Variants in ANXA4 observed in about 807,000 individuals in gnomAD.
The protein encoded by ANXA4 is annexin A4, also known as 35-beta calcimedin.
ANXA4 carries 39 observed loss-of-function variants against 49.8 expected under a neutral mutation model. That is an observed-to-expected ratio of 0.78 (90% CI 0.61 to 1.02). The LOEUF (loss-of-function observed/expected upper bound fraction) is 1.02, where lower values mean the gene tolerates loss of function less well. Ranked by LOEUF, ANXA4 falls within the 50% of genes least tolerant of loss-of-function variation. The pLI is 0.00. For missense variants in ANXA4, 360 were observed against 410.1 expected, an observed-to-expected ratio of 0.88 and a Z score of 1.05; for synonymous variants, 134 against 152.5, an observed-to-expected ratio of 0.88 and a Z score of 0.89.
chr2:69,816,116 G>A lies in ANXA4; in HGVS notation c.550G>A (p.Gly184Arg), dbSNP rs780280151. ...TTGGCTTCAGGACCTGTATGAGGCT[G>A]GAGAGAAGAAATGGGGGACAGATGA... The part of the protein sequence containing the change: ...RQDAQDLYEA[G>R]EKKWGTDEVK... The change falls in exon 9 of 13, where the codon GGA becomes AGA. Residue 184 changes from glycine to arginine, a missense_variant. Transcript: ENST00000394295. 5 of 1,614,080 alleles carry A rather than the reference G, an allele frequency of 3.1e-6. No individual in the cohort carries two copies. Among genetic ancestry groups the A allele is most frequent in the Non-Finnish European group, 3.4e-6 (4 of 1,179,936 alleles).
intron 2 of ANXA4, among the ~76,000 whole-genome samples, chr2:69,694,017 A>T (rs773337976): frequency 1.2e-4 from 19 of 152,166 alleles, no homozygotes; most frequent in Non-Finnish European, 2.2e-4. Flanking sequence ...CATGGTTTAT[A>T]TAAAAAGTTG....
chr2:69,667,074 G>GAAATA lies in ANXA4; in HGVS notation n.766+13813_766+13817dup, dbSNP rs556026006. Among the ~76,000 whole-genome samples the GAAATA allele has an allele frequency of 6.8e-3, 1,029 of 150,962 alleles. 17 individuals are homozygous for GAAATA. Among genetic ancestry groups the GAAATA allele is most frequent in the East Asian group, 0.011 (56 of 5,100 alleles). Reference sequence around the variant, plus strand: ...ATAAAATAAAATAATAAAATAAAATGAAATAAAATAAAATAAAATAAAATA... The same window carrying GAAATA: ...ATAAAATAAAATAATAAAATAAAATGAAATAAAATAAAATAAAATAAAATAAAATA... On this transcript the variant is annotated intron_variant and non_coding_transcript_variant, in intron 2 of 3. Coordinates refer to the ANXA4 transcript ENST00000418066.
intron 12 of ANXA4, among the ~76,000 whole-genome samples, chr2:69,821,571 G>GT (rs1450558821): frequency 6.6e-6 from 1 of 152,112 alleles, no homozygotes; most frequent in Non-Finnish European, 1.5e-5. Flanking sequence ...CTAGGTTCAA[G>GT]TGATCCTCCT....
intron 2 of ANXA4, among the ~76,000 whole-genome samples, chr2:69,692,175 G>T (rs1041439096): frequency 6.6e-6 from 1 of 152,170 alleles, no homozygotes; most frequent in Non-Finnish European, 1.5e-5. Context: ...GTGAGCCACC[G>T]CGCCCAGACA....
intron 1 of ANXA4, among the ~76,000 whole-genome samples, chr2:69,753,307 G>A (rs971867752): frequency 3.9e-5 from 6 of 152,258 alleles, no homozygotes; most frequent in African/African-American, 1.4e-4. Context: ...AAGAATCAGG[G>A]CCTGGGCTGA....
rs987258981 is a variant in ANXA4, at chr2:69,698,580, A to G, written n.767-22194A>G. ...CAGAGGGCCTGGGGGCAGGAGTGTC[A>G]CCTATGGAAGGAATGGATCCTGGGG... On this transcript the variant is annotated intron_variant and non_coding_transcript_variant, in intron 2 of 3. Coordinates refer to the ANXA4 transcript ENST00000418066. 2.6e-5 allele frequency among the ~76,000 whole-genome samples: 4 copies of G among 152,212 alleles called. No individual in the cohort carries two copies. In the East Asian group the frequency reaches 7.7e-4, roughly 29 times the overall value.
exon 1 of ANXA4, chr2:69,644,755 A>G (rs1430556614): frequency 2.0e-5 from 3 of 152,230 alleles, no homozygotes; most frequent in Non-Finnish European, 4.4e-5. Context: ...GCTCCCTTGC[A>G]CACAAGAACA....
intron 2 of ANXA4, among the ~76,000 whole-genome samples, chr2:69,695,310 A>T (rs962549610): frequency 5.9e-5 from 9 of 152,310 alleles, no homozygotes; most frequent in African/African-American, 2.2e-4. Flanking sequence ...AGACGAGTAT[A>T]ACCTTTGACT....
intron 3 of ANXA4, among the ~76,000 whole-genome samples, chr2:69,727,511 T>C (rs1279204853): frequency 6.9e-6 from 1 of 145,520 alleles, no homozygotes; most frequent in Non-Finnish European, 1.5e-5. Flanking sequence ...AAGTTGAGCA[T>C]TTTTTTTTAA....
chr2:69,757,509 G>A (rs1256082967), intron 1 of ANXA4, among the ~76,000 whole-genome samples: 7 of 146,470 alleles, frequency 4.8e-5, no homozygotes, highest in South Asian at 4.3e-4. Flanking sequence ...TCCTGACCTC[G>A]TCATCCGCCT....
At chr2:69,644,445 TC>T (rs1256114159) in exon 1 of ANXA4, 1 of 152,152 alleles carries the variant, frequency 6.6e-6, no homozygotes, top group Non-Finnish European at 1.5e-5. Flanking sequence ...CCGATGCCCT[TC>T]CGCCCCTAAC....
chr2:69,693,998 C>T (rs1678068451), intron 2 of ANXA4, among the ~76,000 whole-genome samples: 1 of 152,060 alleles, frequency 6.6e-6, no homozygotes, highest in Admixed American at 6.5e-5. Context: ...CTGGAGAAAC[C>T]AGGTTACGCA....
At chr2:69,701,530 AT>A (rs1189229721) in intron 2 of ANXA4, among the ~76,000 whole-genome samples, 5 of 152,250 alleles carry the variant, frequency 3.3e-5, no homozygotes, top group African/African-American at 1.2e-4. Flanking sequence ...TACAGCATGT[AT>A]CAGAAATTCC....
chr2:69,740,855 GTTTTTTT>G (rs10718417), upstream of ANXA4, among the ~76,000 whole-genome samples: 1 of 98,370 alleles, frequency 1.0e-5, no homozygotes, highest in Non-Finnish European at 2.0e-5. Context: ...CTATATATAT[GTTTTTTT>G]TTTTTTTTTT....
chr2:69,688,515 T>C (rs1677866284), intron 2 of ANXA4, among the ~76,000 whole-genome samples: 1 of 152,226 alleles, frequency 6.6e-6, no homozygotes, highest in Admixed American at 6.5e-5. Context: ...CCTTTAATTA[T>C]TAGCTGGAAT....
chr2:69,785,831 G>T (rs562363800), intron 2 of ANXA4, among the ~76,000 whole-genome samples: 5 of 152,176 alleles, frequency 3.3e-5, no homozygotes, highest in Admixed American at 6.5e-5. Flanking sequence ...GACAGTGCTC[G>T]ATCCTGGATT....
At chr2:69,718,589 T>C (rs1199403902) in intron 2 of ANXA4, among the ~76,000 whole-genome samples, 1 of 152,214 alleles carries the variant, frequency 6.6e-6, no homozygotes, top group South Asian at 2.1e-4. Context: ...GCTCCAGGGC[T>C]TTATACCTGC....
At chr2:69,648,967 C>T (rs1676118823) in intron 1 of ANXA4, among the ~76,000 whole-genome samples, 1 of 146,008 alleles carries the variant, frequency 6.8e-6, no homozygotes, top group South Asian at 2.2e-4. Context: ...CTCACCGCAA[C>T]CTCCGCCTCC....
At chr2:69,649,605 T>C (rs2105299294) in intron 1 of ANXA4, among the ~76,000 whole-genome samples, 1 of 124,948 alleles carries the variant, frequency 8.0e-6, no homozygotes, top group Admixed American at 7.8e-5. Flanking sequence ...TTTTCTTTCT[T>C]TTTTTTTTTT....
Sources: gnomAD v4.1 joint callset for allele counts (sites outside exome capture counted in the v4.1 genomes callset) on GRCh38, gnomAD v4.1.1 for gene constraint, MANE v1.5 for transcripts, NCBI Gene and HGNC (gene_info 2026-07-23, HGNC 2026-07-21) for gene names.